Variants in IFT74 observed in about 807,000 individuals in gnomAD.
IFT74 encodes the protein intraflagellar transport 74.
In IFT74, 92 loss-of-function variants were observed where a neutral mutation model predicts 96.7. The observed-to-expected ratio is 0.95, with a 90% CI of 0.80 to 1.13. The LOEUF is 1.13. Among genes scored for constraint, IFT74 ranks in the 50% most tolerant of loss-of-function variants. The probability of loss-of-function intolerance (pLI) is 0.00; values close to 1 mark genes in which losing one functional copy is unlikely to be tolerated. For missense variants in IFT74, 811 were observed against 698.2 expected, an observed-to-expected ratio of 1.16 and a Z score of -1.82; for synonymous variants, 223 against 213.2, an observed-to-expected ratio of 1.05 and a Z score of -0.40.
intron 10 of IFT74, among the ~76,000 whole-genome samples, chr9:27,015,499 T>G (rs901098015): frequency 2.0e-5 from 3 of 152,048 alleles, no homozygotes; most frequent in African/African-American, 7.2e-5. Flanking sequence ...TAGCTGGGCG[T>G]GGTGGCAGGC....
chr9:26,961,846 T>G, intron 1 of IFT74, 103 bp from the exon 2 acceptor site: 1 of 1,260,926 alleles, frequency 7.9e-7, no homozygotes, highest in South Asian at 1.4e-5. Flanking sequence ...AACGGCAGTT[T>G]GCAAGAACAA....
At position 27,011,900 on chromosome 9, in the gene IFT74, A is replaced by G. The variant is rs748212973; in HGVS notation, c.727-6A>G. 2.0e-6 allele frequency: 3 copies of G among 1,530,090 alleles called. No homozygotes were observed. In the South Asian group the frequency reaches 3.9e-5, roughly 20 times the overall value. The allele number at this position is 1,530,090 out of a possible 1,614,324, so 94.8% of individuals were successfully genotyped here. ...GATTTATGTTTGCTTTTTTTTTTCC[A>G]CTTAGGAATTAGATACACTTCAACA... is the stretch of plus-strand genomic sequence containing the variant. On this transcript the variant is annotated splice_polypyrimidine_tract_variant and splice_region_variant and intron_variant, in intron 9 of 19. Transcript: ENST00000380062.
intron 13 of IFT74, among the ~76,000 whole-genome samples, chr9:27,030,672 T>C (rs1485722861): frequency 6.6e-6 from 1 of 152,138 alleles, no homozygotes; most frequent in Non-Finnish European, 1.5e-5. Flanking sequence ...AGAATTTGGC[T>C]ACAAGCTCTG....
intron 13 of IFT74, among the ~76,000 whole-genome samples, chr9:27,035,314 G>C (rs1402884978): frequency 6.6e-6 from 1 of 152,214 alleles, no homozygotes; most frequent in East Asian, 1.9e-4. Flanking sequence ...TCTGGTATCT[G>C]AGATTTCAAA....
Position 26,961,972 on chromosome 9 carries a change from C to T in IFT74, c.5C>T (p.Ala2Val), listed in dbSNP as rs1169961656. Residue 2 changes from alanine to valine, a missense_variant, in exon 2 of 20, where the codon GCC becomes GTC. Physicochemically the swap from Ala to Val is moderately conservative, Grantham distance 64. Transcript: ENST00000380062. Reference sequence around the variant, plus strand: ...AGCGATTAAAGTGAAGAAACAATGGCCAGCAATCACAAATCTTCAGCAGCT... The same window carrying T: ...AGCGATTAAAGTGAAGAAACAATGGTCAGCAATCACAAATCTTCAGCAGCT... M[A>V]SNHKSSAARP... is the part of the protein sequence containing the mutation. The T allele has an allele frequency of 2.5e-6, 4 of 1,613,914 alleles. No homozygotes were observed. Among genetic ancestry groups the T allele is most frequent in the Non-Finnish European group, 3.4e-6 (4 of 1,179,936 alleles).
At chr9:27,000,257 C>G (rs1354154774) in intron 8 of IFT74, among the ~76,000 whole-genome samples, 4 of 151,996 alleles carry the variant, frequency 2.6e-5, no homozygotes, top group African/African-American at 9.7e-5. Context: ...GTTTCTAGAT[C>G]TCATGAAAGG....
intron 18 of IFT74, among the ~76,000 whole-genome samples, 153 bp downstream of exon 18, chr9:27,056,612 A>G (rs547551038): frequency 6.6e-5 from 10 of 152,214 alleles, no homozygotes; most frequent in African/African-American, 2.4e-4. Flanking sequence ...TTCAGAATGA[A>G]TGGACTCCTG....
intron 2 of IFT74, among the ~76,000 whole-genome samples, chr9:26,966,693 A>C (rs1405227767): frequency 5.9e-5 from 9 of 151,824 alleles, no homozygotes; most frequent in Admixed American, 5.3e-4. Context: ...CTATTTGTTC[A>C]TTTTTGCTTT....
At chr9:27,020,598 C>T (rs1829554922) in intron 12 of IFT74, among the ~76,000 whole-genome samples, 1 of 151,718 alleles carries the variant, frequency 6.6e-6, no homozygotes, top group Non-Finnish European at 1.5e-5. Context: ...CCTCAGCCTC[C>T]CCAGTAGCTG....
At chr9:27,003,001 A>G (rs1390347336) in intron 8 of IFT74, among the ~76,000 whole-genome samples, 1 of 151,748 alleles carries the variant, frequency 6.6e-6, no homozygotes, top group Non-Finnish European at 1.5e-5. Flanking sequence ...TAGATATTTC[A>G]CTTCATTGGT....
At chr9:26,989,378 A>G (rs966414481) in intron 7 of IFT74, among the ~76,000 whole-genome samples, 1 of 152,188 alleles carries the variant, frequency 6.6e-6, no homozygotes, top group African/African-American at 2.4e-5. Flanking sequence ...ACAAATTTGT[A>G]TTCAATGTTC....
intron 12 of IFT74, among the ~76,000 whole-genome samples, chr9:27,028,540 G>A (rs1040312049): frequency 6.6e-6 from 1 of 151,892 alleles, no homozygotes; most frequent in Non-Finnish European, 1.5e-5. Flanking sequence ...GGTGGATCTC[G>A]AGGTCAAGAG....
At chr9:27,029,717 C>A (rs889231861) in intron 13 of IFT74, among the ~76,000 whole-genome samples, 1 of 152,142 alleles carries the variant, frequency 6.6e-6, no homozygotes, top group East Asian at 1.9e-4. Context: ...CACTGCACTC[C>A]ATCCTGGGCC....
intron 3 of IFT74, among the ~76,000 whole-genome samples, chr9:26,978,493 G>A (rs1323235131): frequency 1.3e-5 from 2 of 152,034 alleles, no homozygotes; most frequent in African/African-American, 2.4e-5. Context: ...TTATTGTGAT[G>A]GTTAAACAAC....
intron 1 of IFT74, among the ~76,000 whole-genome samples, chr9:26,957,799 CTT>C (rs796171473): frequency 6.9e-6 from 1 of 145,048 alleles, no homozygotes. Flanking sequence ...CTTTGTTTGC[CTT>C]TTTTTTTTTT....
Position 26,947,169 on chromosome 9 carries a change from A to G in IFT74, c.-20+23A>G. ...CAGGTAAGGGGCGGCCGGAGACCGG[A>G]AGAGCCCGAGAGCCGGTACGGAAGG... On this transcript the variant is annotated intron_variant, in intron 1 of 19. Transcript: ENST00000433700. 2.5e-6 allele frequency: 3 copies of G among 1,189,252 alleles called. No homozygotes were observed. The South Asian group carries it at 5.2e-5, about 20-fold the overall frequency. The allele number at this position is 1,189,252 out of a possible 1,614,324, so 73.7% of individuals were successfully genotyped here.
chr9:27,057,135 G>A (rs1237406175), intron 18 of IFT74, among the ~76,000 whole-genome samples: 4 of 151,948 alleles, frequency 2.6e-5, no homozygotes, highest in Non-Finnish European at 5.9e-5. Context: ...ATTCCCTTTC[G>A]TTGGATATTT....
At chr9:27,032,574 A>C (rs558702978) in intron 13 of IFT74, among the ~76,000 whole-genome samples, 64 of 152,216 alleles carry the variant, frequency 4.2e-4, no homozygotes, top group African/African-American at 1.5e-3. Flanking sequence ...CAGCTTAAAA[A>C]AAAAGTGTCC....
intron 3 of IFT74, among the ~76,000 whole-genome samples, chr9:26,979,975 A>T (rs977300888): frequency 6.6e-6 from 1 of 152,012 alleles, no homozygotes; most frequent in Non-Finnish European, 1.5e-5. Context: ...TCAGCCTCCC[A>T]AAGTGCTGGG....
Sources: gnomAD v4.1 joint callset for allele counts (sites outside exome capture counted in the v4.1 genomes callset) on GRCh38, gnomAD v4.1.1 for gene constraint, MANE v1.5 for transcripts, NCBI Gene and HGNC (gene_info 2026-07-23, HGNC 2026-07-21) for gene names.